Variants in SOS1 observed in about 807,000 individuals in gnomAD.
SOS1 encodes son of sevenless homolog 1.
SOS1 carries 25 observed loss-of-function variants against 157.6 expected under a neutral mutation model. That is an observed-to-expected ratio of 0.16 (90% confidence interval 0.12 to 0.22). The LOEUF is 0.22. Among genes scored for constraint, SOS1 ranks in the 10% least tolerant of loss-of-function variants. The probability of loss-of-function intolerance (pLI) is 1.00; values close to 1 mark genes in which losing one functional copy is unlikely to be tolerated. For missense variants in SOS1, 1,237 were observed against 1,599.1 expected, an observed-to-expected ratio of 0.77 and a Z score of 3.86; for synonymous variants, 528 against 534.0, an observed-to-expected ratio of 0.99 and a Z score of 0.16.
At chr2:39,105,635 C>T (rs957826230) in intron 1 of SOS1, among the ~76,000 whole-genome samples, 2 of 152,136 alleles carry the variant, frequency 1.3e-5, no homozygotes, top group East Asian at 3.8e-4. Flanking sequence ...TGCTGGCTCA[C>T]AACTGTAATC....
At chr2:39,000,768 A>G (rs145683928) in intron 17 of SOS1, among the ~76,000 whole-genome samples, 7 of 152,290 alleles carry the variant, frequency 4.6e-5, no homozygotes, top group African/African-American at 1.7e-4. Context: ...TTATCTGTCT[A>G]TTCTTAGCAT....
chr2:39,008,100 T>C (rs762403721), intron 15 of SOS1, among the ~76,000 whole-genome samples: 22 of 152,216 alleles, frequency 1.4e-4, no homozygotes, highest in Non-Finnish European at 2.5e-4. Flanking sequence ...CTGTCCCTGC[T>C]GCCTGTTGCT....
chr2:39,101,273 C>T (rs143782127), intron 1 of SOS1, among the ~76,000 whole-genome samples: 8 of 152,210 alleles, frequency 5.3e-5, no homozygotes, highest in Admixed American at 2.0e-4. Flanking sequence ...AGGATGGTAC[C>T]AACCCATTCA....
chr2:39,085,683 CT>C (rs1672344749), intron 1 of SOS1, among the ~76,000 whole-genome samples: 1 of 152,206 alleles, frequency 6.6e-6, no homozygotes, highest in Admixed American at 6.5e-5. Context: ...AAACAGATTG[CT>C]TCACATTTAT....
Position 39,010,896 on chromosome 2 carries a change from C to CTTCTTT in SOS1, c.2391-194_2391-193insAAAGAA, listed in dbSNP as rs70954776. The stretch of plus-strand genomic sequence containing the variant: ...TATTTCCTTATGGATTTTTTTTAAA[C>CTTCTTT]TTTTTTTTTTTTTTTTGAGATGGAG... On this transcript the variant is annotated intron_variant, in intron 14 of 22. Transcript: ENST00000402219. Among the ~76,000 whole-genome samples, 65 of 132,830 alleles carry CTTCTTT rather than the reference C, an allele frequency of 4.9e-4. 2 individuals are homozygous for CTTCTTT. The highest frequency in any genetic ancestry group is 6.8e-4 in the Non-Finnish European group (45 of 65,860). The allele number at this position is 132,830 out of a possible 152,430, so 87.1% of individuals were successfully genotyped here.
chr2:39,039,486 T>A (rs894256024), intron 6 of SOS1, among the ~76,000 whole-genome samples: 15 of 152,248 alleles, frequency 9.9e-5, no homozygotes, highest in Admixed American at 7.8e-4. Context: ...GTTGTGAGAC[T>A]ATGCCAGTGT....
chr2:39,036,565 C>G (rs1467461026), intron 6 of SOS1, among the ~76,000 whole-genome samples: 1 of 151,850 alleles, frequency 6.6e-6, no homozygotes, highest in Non-Finnish European at 1.5e-5. Flanking sequence ...TGTTGACCAC[C>G]CTGGTCGTTT....
intron 1 of SOS1, among the ~76,000 whole-genome samples, chr2:39,084,099 A>T (rs561804968): frequency 6.6e-6 from 1 of 152,106 alleles, no homozygotes; most frequent in African/African-American, 2.4e-5. Context: ...GAGACCTCAG[A>T]AAAAAACAAC....
chr2:39,006,053 CTA>C (rs1380688627), intron 17 of SOS1, among the ~76,000 whole-genome samples: 1 of 152,056 alleles, frequency 6.6e-6, no homozygotes, highest in Non-Finnish European at 1.5e-5. Flanking sequence ...AGCAGGCACA[CTA>C]TGATTTTTAG....
At chr2:39,117,430 C>T (rs1025916755) in intron 1 of SOS1, among the ~76,000 whole-genome samples, 12 of 152,150 alleles carry the variant, frequency 7.9e-5, no homozygotes, top group Admixed American at 5.2e-4. Flanking sequence ...CTCATAGATG[C>T]GGTGAAACAG....
intron 1 of SOS1, among the ~76,000 whole-genome samples, chr2:39,083,954 G>A (rs1296788667): frequency 6.6e-6 from 1 of 152,132 alleles, no homozygotes; most frequent in Non-Finnish European, 1.5e-5. Flanking sequence ...AGGTAATTAA[G>A]TTAAAATGAG....
At chr2:39,085,933 TA>T (rs373299707) in intron 1 of SOS1, among the ~76,000 whole-genome samples, 105 of 152,276 alleles carry the variant, frequency 6.9e-4, no homozygotes, top group African/African-American at 2.4e-3. Flanking sequence ...TAAACAAAAG[TA>T]TAACTATGTA....
rs531370798 is a variant in SOS1 at position 39,100,169 on chromosome 2, A to T, written c.87+20167T>A. Among the ~76,000 whole-genome samples the T allele has an allele frequency of 5.9e-5, 9 of 152,350 alleles. No homozygotes were observed. In the South Asian group the frequency reaches 1.9e-3, roughly 32 times the overall value. On this transcript the variant is annotated intron_variant, in intron 1 of 22. Transcript: ENST00000402219. ...ATGACTCTTTTGGTAAGAGATAACA[A>T]GTGTTGGTGAGGGTGTGGAGAAAAG...
At chr2:39,081,815 CA>C (rs1003161101) in intron 1 of SOS1, among the ~76,000 whole-genome samples, 118 of 136,616 alleles carry the variant, frequency 8.6e-4, no homozygotes, top group African/African-American at 2.0e-3. Flanking sequence ...GACTCTGTCT[CA>C]AAAAAAAAAA....
chr2:38,990,169 CG>C (rs1174365746), intron 20 of SOS1, among the ~76,000 whole-genome samples: 1 of 146,970 alleles, frequency 6.8e-6, no homozygotes, highest in Non-Finnish European at 1.5e-5. Context: ...ATTCAGATTT[CG>C]TTTTTTTTTT....
At chr2:38,993,850 C>T (rs1238630418) in intron 20 of SOS1, 1 of 151,966 alleles carries the variant, frequency 6.6e-6, no homozygotes, top group Non-Finnish European at 1.5e-5. Flanking sequence ...AGATAGCCAA[C>T]GGTAAGGGCA....
chr2:39,014,225 C>T (rs1558470055), intron 11 of SOS1, among the ~76,000 whole-genome samples: 1 of 151,822 alleles, frequency 6.6e-6, no homozygotes, highest in Non-Finnish European at 1.5e-5. Flanking sequence ...TAACTACAAA[C>T]AAAATAAAGA....
intron 1 of SOS1, among the ~76,000 whole-genome samples, chr2:39,102,147 G>C (rs1002572537): frequency 1.5e-5 from 2 of 135,046 alleles, no homozygotes; most frequent in Admixed American, 8.7e-5. Context: ...AGAGGTTGCA[G>C]TGAGCTGAGA....
intron 1 of SOS1, among the ~76,000 whole-genome samples, chr2:39,109,567 G>C (rs1409513828): frequency 1.3e-5 from 2 of 152,122 alleles, no homozygotes; most frequent in Non-Finnish European, 2.9e-5. Context: ...CCATCGTACT[G>C]CATTATACTT....
Sources: allele counts gnomAD v4.1 joint callset (sites outside exome capture counted in the v4.1 genomes callset), GRCh38; gene constraint gnomAD v4.1.1; transcripts MANE v1.5; gene names NCBI Gene and HGNC (gene_info 2026-07-23, HGNC 2026-07-21).